The following FAM184B variants were observed in gnomAD, a reference collection of about 807,000 sequenced individuals.
The protein encoded by FAM184B is protein FAM184B.
Under a neutral mutation model 135.9 loss-of-function variants are expected in FAM184B, and 111 were observed. The ratio of observed to expected loss-of-function variants is 0.82; its 90% CI spans 0.70 to 0.96. The LOEUF is 0.96. Among genes scored for constraint, FAM184B ranks in the 40% least tolerant of loss-of-function variants. The probability of loss-of-function intolerance (pLI) is 0.00; values close to 1 mark genes in which losing one functional copy is unlikely to be tolerated. For missense variants in FAM184B, 1,375 were observed against 1,323.9 expected, an observed-to-expected ratio of 1.04 and a Z score of -0.60; for synonymous variants, 552 against 524.8, an observed-to-expected ratio of 1.05 and a Z score of -0.71.
intron 1 of FAM184B, among the ~76,000 whole-genome samples, chr4:17,736,971 G>A (rs143259361): frequency 7.2e-5 from 11 of 151,992 alleles, no homozygotes; most frequent in Non-Finnish European, 1.2e-4. Flanking sequence ...ATGGTGAAAC[G>A]CCATCTCTAC....
Position 17,705,145 on chromosome 4 carries a change from C to G in FAM184B, c.1232G>C (p.Arg411Pro). The G allele has an allele frequency of 1.9e-6, 3 of 1,551,774 alleles. No homozygotes were observed. Among genetic ancestry groups the G allele is most frequent in the Non-Finnish European group, 1.7e-6 (2 of 1,147,012 alleles). ...YMKQQYEEDL[R>P]KIKHQTEEEK... ...CTCTTCTGTCTGATGTTTGATTTTA[C>G]GAAGGTCTTCTTCATATTGTTGCTT... The change falls in exon 5 of 18, where the codon CGT becomes CCT. Residue 411 changes from arginine (R) to proline (P), a missense_variant. By Grantham distance (103) the Arg-to-Pro change is moderately radical. Transcript: ENST00000265018.
intron 7 of FAM184B, among the ~76,000 whole-genome samples, chr4:17,680,624 A>T (rs1446753144): frequency 6.6e-6 from 1 of 152,128 alleles, no homozygotes; most frequent in Non-Finnish European, 1.5e-5. Context: ...TTTTCCCATC[A>T]GGCGTTTTTC....
chr4:17,741,674 C>G (rs1010169960), intron 1 of FAM184B, among the ~76,000 whole-genome samples: 2 of 152,148 alleles, frequency 1.3e-5, no homozygotes, highest in African/African-American at 4.8e-5. Context: ...GCCTGGGCAA[C>G]AGAGCAAGAC....
intron 7 of FAM184B, among the ~76,000 whole-genome samples, chr4:17,681,771 T>C (rs1716446612): frequency 6.6e-6 from 1 of 152,108 alleles, no homozygotes; most frequent in South Asian, 2.1e-4. Flanking sequence ...CTTGGGCTGC[T>C]TCCCCATGGC....
At chr4:17,673,868 C>T (rs951381725) in intron 7 of FAM184B, among the ~76,000 whole-genome samples, 1 of 152,074 alleles carries the variant, frequency 6.6e-6, no homozygotes, top group South Asian at 2.1e-4. Flanking sequence ...TGCTAAAGAA[C>T]TTACTCATGT....
intron 7 of FAM184B, among the ~76,000 whole-genome samples, chr4:17,677,926 A>T (rs1716350663): frequency 1.3e-5 from 2 of 152,174 alleles, no homozygotes; most frequent in African/African-American, 4.8e-5. Flanking sequence ...AAATCACATG[A>T]TCATCTCAAT....
intron 8 of FAM184B, among the ~76,000 whole-genome samples, chr4:17,660,997 C>T (rs1715905546): frequency 6.6e-6 from 1 of 151,954 alleles, no homozygotes. Context: ...ACAATGGGGA[C>T]CCCGAAAGGA....
intron 9 of FAM184B, 65 bp from the exon 10 acceptor site, chr4:17,658,627 T>A: frequency 6.8e-7 from 1 of 1,461,652 alleles, no homozygotes; most frequent in Non-Finnish European, 9.3e-7. Context: ...TTTCTTCAAA[T>A]AAAAGCTTTC....
chr4:17,775,634 T>C (rs1718910972), intron 1 of FAM184B, among the ~76,000 whole-genome samples: 2 of 152,236 alleles, frequency 1.3e-5, no homozygotes, highest in African/African-American at 2.4e-5. Flanking sequence ...TTCTGGTCGG[T>C]ATAGAATCCA....
At chr4:17,645,424 A>G (rs565462316) in intron 12 of FAM184B, among the ~76,000 whole-genome samples, 5 of 152,316 alleles carry the variant, frequency 3.3e-5, no homozygotes, top group South Asian at 2.1e-4. Flanking sequence ...ATAATACCAC[A>G]TATCTGCAAC....
chr4:17,745,397 G>A (rs946097239), intron 1 of FAM184B, among the ~76,000 whole-genome samples: 3 of 152,066 alleles, frequency 2.0e-5, no homozygotes, highest in South Asian at 2.1e-4. Context: ...TCCCCCTGCC[G>A]CTTACCAAGC....
intron 5 of FAM184B, among the ~76,000 whole-genome samples, chr4:17,702,832 CCCT>C (rs781678945): frequency 5.9e-5 from 9 of 152,162 alleles, no homozygotes; most frequent in African/African-American, 9.7e-5. Flanking sequence ...ATGCTGCGGT[CCCT>C]CCTGCTGCTT....
rs183083747 is a variant in FAM184B, at chr4:17,700,806, A to G, written c.1377+4194T>C. 3.3e-5 allele frequency among the ~76,000 whole-genome samples: 5 copies of G among 152,296 alleles called. No individual in the cohort carries two copies. In the East Asian group the frequency reaches 5.8e-4, roughly 18 times the overall value. On this transcript the variant is annotated intron_variant, in intron 5 of 17. Transcript: ENST00000265018. ...TGAATCTATTATCTAACCACAGGGGAACCAAATTAGAAATCAATAATAAAA... is the reference window on the plus strand; with the variant it reads ...TGAATCTATTATCTAACCACAGGGGGACCAAATTAGAAATCAATAATAAAA...
intron 1 of FAM184B, among the ~76,000 whole-genome samples, chr4:17,718,846 T>C (rs940765584): frequency 6.6e-6 from 1 of 152,184 alleles, no homozygotes; most frequent in Non-Finnish European, 1.5e-5. Context: ...AGGAAATAAC[T>C]CACTGCTGTA....
intron 1 of FAM184B, among the ~76,000 whole-genome samples, chr4:17,718,122 G>A (rs534293621): frequency 3.3e-5 from 5 of 152,208 alleles, no homozygotes; most frequent in Admixed American, 2.6e-4. Context: ...CAAGACATGC[G>A]GAGAGTTTTG....
chr4:17,739,201 C>T (rs920337253), intron 1 of FAM184B, among the ~76,000 whole-genome samples: 48 of 152,282 alleles, frequency 3.2e-4, no homozygotes, highest in Non-Finnish European at 5.9e-4. Flanking sequence ...TTCTGGACAG[C>T]TTCTTCTCTG....
intron 1 of FAM184B, among the ~76,000 whole-genome samples, chr4:17,761,539 A>C (rs1718546657): frequency 6.6e-6 from 1 of 152,162 alleles, no homozygotes; most frequent in South Asian, 2.1e-4. Flanking sequence ...CCAGGCCACC[A>C]ATGGCCAACT....
At chr4:17,742,893 C>T (rs778902400) in intron 1 of FAM184B, among the ~76,000 whole-genome samples, 38 of 152,224 alleles carry the variant, frequency 2.5e-4, no homozygotes, top group Non-Finnish European at 3.8e-4. Flanking sequence ...CCACTCTGAC[C>T]CTCCACTGAG....
chr4:17,633,753 G>T lies in FAM184B; in HGVS notation c.3025C>A (p.Pro1009Thr), dbSNP rs1360433377. 2 of 1,551,018 alleles carry T rather than the reference G, an allele frequency of 1.3e-6. No individual in the cohort carries two copies. The highest frequency in any genetic ancestry group is 1.7e-6 in the Non-Finnish European group (2 of 1,146,724). ...PPITTSPSLD[P>T]SPSCGRTYKP... The stretch of plus-strand genomic sequence containing the variant: ...TAGGTCCGGCCACAGCTGGGGCTTG[G>T]GTCCAAGCTGGGTGATGTAGTTATT... The change falls in exon 17 of 18, where the codon CCA (proline) becomes ACA (threonine). Residue 1009 changes from proline to threonine, a missense_variant. By Grantham distance (38) the Pro-to-Thr change is conservative. Coordinates refer to ENST00000265018, the MANE Select transcript of FAM184B (RefSeq NM_015688.2).
Sources: gnomAD v4.1 joint callset for allele counts (sites outside exome capture counted in the v4.1 genomes callset) on GRCh38, gnomAD v4.1.1 for gene constraint, MANE v1.5 for transcripts, NCBI Gene and HGNC (gene_info 2026-07-23, HGNC 2026-07-21) for gene names.